EPSTI1: variants seen among roughly 807,000 people sequenced by gnomAD.
EPSTI1 encodes the protein epithelial-stromal interaction protein 1.
Under a neutral mutation model 49.9 loss-of-function variants are expected in EPSTI1, and 66 were observed. The ratio of observed to expected loss-of-function variants is 1.32; its 90% CI spans 1.08 to 1.62. The LOEUF is 1.62. EPSTI1 is among the 40% of genes most tolerant of loss of function. The pLI, the probability that EPSTI1 is intolerant of heterozygous loss-of-function variation, is 0.00. For synonymous variants in EPSTI1, 137 were observed against 130.7 expected (o/e 1.05, Z -0.33); for missense variants, 394 against 365.5 (o/e 1.08, Z -0.64).
chr13:42,964,226 TATAAC>T, intron 3 of EPSTI1, 87 bp from the exon 4 acceptor site: 1 of 986,268 alleles, frequency 1.0e-6, no homozygotes, highest in African/African-American at 1.7e-5. Context: ...ATAATAAATC[TATAAC>T]ATGAGTTCCC....
chr13:42,917,416 T>C, intron 8 of EPSTI1, 125 bp downstream of exon 8: 1 of 889,404 alleles, frequency 1.1e-6, no homozygotes, highest in Non-Finnish European at 1.8e-6. Context: ...ACCTTTTATT[T>C]TCAATGCTTG....
intron 8 of EPSTI1, among the ~76,000 whole-genome samples, chr13:42,914,214 G>A (rs1211232568): frequency 6.6e-6 from 1 of 152,136 alleles, no homozygotes; most frequent in African/African-American, 2.4e-5. Context: ...GTATAATGTT[G>A]TATTTCTAAG....
intron 6 of EPSTI1, among the ~76,000 whole-genome samples, chr13:42,939,028 A>G (rs558463772): frequency 6.6e-6 from 1 of 151,284 alleles, no homozygotes; most frequent in East Asian, 1.9e-4. Flanking sequence ...TTCACATTGC[A>G]TGTTTATATT....
chr13:42,959,418 T>C (rs2039375200), intron 5 of EPSTI1, among the ~76,000 whole-genome samples: 1 of 152,250 alleles, frequency 6.6e-6, no homozygotes. Flanking sequence ...TCCCAATTTA[T>C]ATAAACAACA....
At chr13:42,919,589 C>T (rs900395549) in intron 7 of EPSTI1, among the ~76,000 whole-genome samples, 2 of 152,118 alleles carry the variant, frequency 1.3e-5, no homozygotes, top group East Asian at 3.9e-4. Context: ...GGACACGATC[C>T]CAGGCCTCAA....
chr13:42,976,537 C>A (rs2039885648), intron 1 of EPSTI1, among the ~76,000 whole-genome samples: 1 of 151,960 alleles, frequency 6.6e-6, no homozygotes, highest in South Asian at 2.1e-4. Context: ...GGCAGAAAAA[C>A]CACTTACTTA....
chr13:42,959,404 T>C (rs2039374763), intron 5 of EPSTI1, among the ~76,000 whole-genome samples: 1 of 152,226 alleles, frequency 6.6e-6, no homozygotes, highest in Admixed American at 6.5e-5. Context: ...GAAATGGAAA[T>C]GTTTCCCAAT....
intron 5 of EPSTI1, among the ~76,000 whole-genome samples, chr13:42,955,823 C>A (rs1242959430): frequency 2.4e-4 from 30 of 126,296 alleles, no homozygotes; most frequent in African/African-American, 8.9e-4. Context: ...CAAAAAAAAA[C>A]AAAAAATGTT....
intron 6 of EPSTI1, among the ~76,000 whole-genome samples, chr13:42,938,809 G>C (rs2038650027): frequency 1.3e-5 from 2 of 150,406 alleles, no homozygotes; most frequent in African/African-American, 4.9e-5. Flanking sequence ...CAGCTACTCA[G>C]GAGGCTGAGG....
At chr13:42,912,648 AATAAG>A (rs1282765720) in intron 8 of EPSTI1, among the ~76,000 whole-genome samples, 5 of 152,210 alleles carry the variant, frequency 3.3e-5, no homozygotes, top group African/African-American at 9.6e-5. Context: ...ACAAACATTA[AATAAG>A]ATGAGATGAG....
chr13:42,898,893 G>A (rs1466511134), intron 9 of EPSTI1, among the ~76,000 whole-genome samples: 1 of 152,120 alleles, frequency 6.6e-6, no homozygotes, highest in East Asian at 1.9e-4. Flanking sequence ...TTTTTAAACA[G>A]GAAGTATTTT....
At chr13:42,960,695 C>G (rs779033255) in intron 5 of EPSTI1, among the ~76,000 whole-genome samples, 10 of 152,190 alleles carry the variant, frequency 6.6e-5, no homozygotes, top group Non-Finnish European at 1.5e-4. Flanking sequence ...TGTGTTCCTT[C>G]TGGAGGCTCA....
At chr13:42,914,312 T>G (rs9594831) in intron 8 of EPSTI1, among the ~76,000 whole-genome samples, 71,946 of 151,950 alleles carry the variant, frequency 0.47, 17,271 homozygotes, top group South Asian at 0.6. Flanking sequence ...TATAGCTTCA[T>G]CAACTTGCAC....
chr13:42,913,213 C>T (rs930785956), intron 8 of EPSTI1, among the ~76,000 whole-genome samples: 1 of 151,746 alleles, frequency 6.6e-6, no homozygotes, highest in Non-Finnish European at 1.5e-5. Context: ...TGCAAATATG[C>T]TACTAATCAT....
At chr13:42,942,743 C>T (rs2038797092) in intron 6 of EPSTI1, among the ~76,000 whole-genome samples, 1 of 134,300 alleles carries the variant, frequency 7.4e-6, no homozygotes, top group Non-Finnish European at 1.5e-5. Flanking sequence ...CTGCAGACTG[C>T]AGTGGCGCAA....
chr13:42,933,312 T>TAAAAAAA (rs1178617129), intron 6 of EPSTI1, among the ~76,000 whole-genome samples: 2 of 77,336 alleles, frequency 2.6e-5, no homozygotes. Flanking sequence ...ACATAAAAAG[T>TAAAAAAA]AAAAAAAAAA....
At chr13:42,934,927 TTTA>T (rs1264783345) in intron 6 of EPSTI1, 1 of 159,464 alleles carries the variant, frequency 6.3e-6, no homozygotes, top group Admixed American at 6.3e-5. Context: ...ATAGTATGCA[TTTA>T]TTATTTAAGA....
rs113714054 is a variant in EPSTI1, at chr13:42,938,270, T to G, written c.564-11841A>C. On this transcript the variant is annotated intron_variant, in intron 6 of 10. Transcript: ENST00000313624. ...GATTAGTGTTGTTTTCATGGGTGAT[T>G]AGGTGCATTGTCAATGAGCAGCAAT... 5.4e-3 allele frequency among the ~76,000 whole-genome samples: 822 copies of G among 152,176 alleles called. 4 individuals carry two copies. Among genetic ancestry groups the G allele is most frequent in the Non-Finnish European group, 9.1e-3 (621 of 67,964 alleles).
At chr13:42,975,973 T>C in intron 1 of EPSTI1, among the ~76,000 whole-genome samples, 1 of 152,194 alleles carries the variant, frequency 6.6e-6, no homozygotes, top group Non-Finnish European at 1.5e-5. Context: ...CAAAATGTCT[T>C]GTAACTACTT....
Sources: gnomAD v4.1 joint callset for allele counts (sites outside exome capture counted in the v4.1 genomes callset) on GRCh38, gnomAD v4.1.1 for gene constraint, MANE v1.5 for transcripts, NCBI Gene and HGNC (gene_info 2026-07-23, HGNC 2026-07-21) for gene names.